Variants in FHOD3 observed in about 807,000 individuals in gnomAD.
FHOD3 encodes the protein FH1/FH2 domain-containing protein 3.
A neutral mutation model predicts 173.0 loss-of-function variants in FHOD3; 90 were observed. That is an observed-to-expected ratio of 0.52 (90% confidence interval 0.44 to 0.62). FHOD3 has a LOEUF of 0.62. FHOD3 is among the 20% of genes least tolerant of loss of function. The probability of loss-of-function intolerance (pLI) is 0.00; values close to 1 mark genes in which losing one functional copy is unlikely to be tolerated. For missense variants in FHOD3, 1,945 were observed against 2,034.7 expected (o/e 0.96, Z 0.85); for synonymous variants, 828 against 823.0 (o/e 1.01, Z -0.10).
In FHOD3 at chr18:36,490,970, A is replaced by G. The variant is rs59029993; in HGVS notation, c.338-10962A>G. Among the ~76,000 whole-genome samples, 1,094 of 152,264 alleles carry G rather than the reference A, an allele frequency of 7.2e-3. 12 individuals carry two copies. The highest frequency in any genetic ancestry group is 0.025 in the African/African-American group (1,048 of 41,552). On this transcript the variant is annotated intron_variant, in intron 3 of 28. Transcript: ENST00000590592. ...AATCCCGGGTTAACTCACGCCTTAG[A>G]ACACATACACTTGCCCATCAGCATG...
In FHOD3 at chr18:36,660,708, G is replaced by T. The variant is rs150022358; in HGVS notation, c.1835+2520G>T. Among the ~76,000 whole-genome samples the T allele has an allele frequency of 9.4e-3, 1,430 of 152,346 alleles. 9 individuals carry two copies. Among genetic ancestry groups the T allele is most frequent in the Middle Eastern group, 0.024 (7 of 294 alleles). ...GCATGGGGCATGGGTGGTCCAAGGA[G>T]CCTGTCTGACATCCAGGGAGATGTT... On this transcript the variant is annotated intron_variant, in intron 14 of 28. Coordinates refer to ENST00000590592, the MANE Select transcript of FHOD3 (RefSeq NM_001281740.3).
chr18:36,625,603 C>T lies in FHOD3; in HGVS notation c.1050C>T (p.Gly350=), dbSNP rs531088835. Residue 350 remains glycine (G), a synonymous_variant, in exon 10 of 29, where the codon GGC becomes GGT. Transcript: ENST00000590592. ...GGAGGGCCAGCGTGTGTTCCAGTGGCGGAGGCGAGCACCGGGGCCTGGACC... is the reference window on the plus strand; with the variant it reads ...GGAGGGCCAGCGTGTGTTCCAGTGGTGGAGGCGAGCACCGGGGCCTGGACC... The part of the protein sequence containing the change: ...DRRRASVCSS[G]GGEHRGLDRR... 32 of 1,581,838 alleles carry T rather than the reference C, an allele frequency of 2.0e-5. No individual in the cohort carries two copies. Among genetic ancestry groups the T allele is most frequent in the African/African-American group, 5.4e-5 (4 of 73,702 alleles).
intron 17 of FHOD3, among the ~76,000 whole-genome samples, chr18:36,695,348 A>G (rs912585827): frequency 7.4e-5 from 11 of 148,246 alleles, no homozygotes; most frequent in African/African-American, 1.1e-4. Context: ...ACACCGTCTC[A>G]AAAATAAAAA....
chr18:36,514,230 C>G (rs2055832660), intron 5 of FHOD3, among the ~76,000 whole-genome samples: 1 of 151,978 alleles, frequency 6.6e-6, no homozygotes, highest in Non-Finnish European at 1.5e-5. Context: ...AGGATGGTCT[C>G]GTTCTCCTGA....
intron 5 of FHOD3, among the ~76,000 whole-genome samples, chr18:36,566,542 G>A (rs1310032061): frequency 6.6e-6 from 1 of 152,156 alleles, no homozygotes; most frequent in Non-Finnish European, 1.5e-5. Context: ...GGGGACCCTG[G>A]GCCCTGTCCC....
At chr18:36,388,990 G>A (rs185805025) in intron 3 of FHOD3, among the ~76,000 whole-genome samples, 231 of 152,104 alleles carry the variant, frequency 1.5e-3, no homozygotes, top group African/African-American at 5.2e-3. Flanking sequence ...GGATGGGGGG[G>A]CCCTGATAGG....
At chr18:36,461,616 C>G (rs2052563780) in intron 3 of FHOD3, among the ~76,000 whole-genome samples, 1 of 152,192 alleles carries the variant, frequency 6.6e-6, no homozygotes, top group Non-Finnish European at 1.5e-5. Flanking sequence ...TTCTGCTTCT[C>G]ATAGCTTCTA....
chr18:36,727,216 C>T (rs1250797590), intron 19 of FHOD3, among the ~76,000 whole-genome samples: 1 of 152,140 alleles, frequency 6.6e-6, no homozygotes, highest in Non-Finnish European at 1.5e-5. Context: ...CTATTGCTGA[C>T]TTGAGGCTTT....
In FHOD3 at chr18:36,769,632, A is replaced by G. The variant is rs557307621; in HGVS notation, c.4786+206A>G. ...AGGGGAGCTGCAGCCACACCTGTTC[A>G]GTGTATCTGCCATTGGTGGCTAGGC... On this transcript the variant is annotated intron_variant, in intron 28 of 28. Transcript: ENST00000590592. Among the ~76,000 whole-genome samples, 47 of 152,276 alleles carry G rather than the reference A, an allele frequency of 3.1e-4. No individual in the cohort carries two copies. The East Asian group carries it at 7.2e-3, about 23-fold the overall frequency.
chr18:36,559,229 C>A (rs1041729022), intron 5 of FHOD3, among the ~76,000 whole-genome samples: 1 of 152,144 alleles, frequency 6.6e-6, no homozygotes, highest in African/African-American at 2.4e-5. Context: ...AACTGTCCAG[C>A]GTTTGATCAC....
intron 3 of FHOD3, among the ~76,000 whole-genome samples, chr18:36,415,704 A>G (rs899617922): frequency 6.6e-6 from 1 of 152,232 alleles, no homozygotes; most frequent in Non-Finnish European, 1.5e-5. Flanking sequence ...AATTATCAGC[A>G]TGTTTCTCAA....
At chr18:36,477,842 G>A (rs1433516069) in intron 3 of FHOD3, among the ~76,000 whole-genome samples, 2 of 152,160 alleles carry the variant, frequency 1.3e-5, no homozygotes, top group Non-Finnish European at 2.9e-5. Context: ...CTTGGCACAG[G>A]AAGTAAGGGA....
intron 8 of FHOD3, among the ~76,000 whole-genome samples, chr18:36,609,285 G>A (rs558456820): frequency 1.8e-3 from 276 of 152,086 alleles, no homozygotes; most frequent in African/African-American, 6.5e-3. Flanking sequence ...AGAGGCTGCA[G>A]GGTGGAACTG....
chr18:36,746,585 C>T (rs1478903259), intron 23 of FHOD3, among the ~76,000 whole-genome samples: 1 of 152,146 alleles, frequency 6.6e-6, no homozygotes, highest in African/African-American at 2.4e-5. Flanking sequence ...GAAATATTAT[C>T]GCTGAAGAAT....
intron 17 of FHOD3, among the ~76,000 whole-genome samples, chr18:36,703,589 TA>T (rs1381716357): frequency 1.3e-5 from 2 of 152,204 alleles, no homozygotes; most frequent in Admixed American, 1.3e-4. Context: ...CAATATGTAG[TA>T]AGTTTGATTT....
intron 4 of FHOD3, among the ~76,000 whole-genome samples, chr18:36,510,241 C>G (rs2055559662): frequency 6.6e-6 from 1 of 152,148 alleles, no homozygotes; most frequent in South Asian, 2.1e-4. Flanking sequence ...GCAATAAGCA[C>G]CTATCAGTGT....
chr18:36,768,092 G>T (rs1407038999), intron 27 of FHOD3, among the ~76,000 whole-genome samples: 1 of 152,196 alleles, frequency 6.6e-6, no homozygotes, highest in Non-Finnish European at 1.5e-5. Context: ...CATAGGCAAT[G>T]ATTCTGATAA....
intron 8 of FHOD3, among the ~76,000 whole-genome samples, chr18:36,603,040 A>ATTGTTCCCTGCC (rs1305463756): frequency 0.014 from 2,132 of 152,266 alleles, 50 homozygotes; most frequent in African/African-American, 0.049. Flanking sequence ...AACGCCACAG[A>ATTGTTCCCTGCC]TTGTTGGCTG....
chr18:36,513,610 G>A (rs182236044), intron 5 of FHOD3, among the ~76,000 whole-genome samples: 149 of 152,252 alleles, frequency 9.8e-4, no homozygotes, highest in African/African-American at 3.4e-3. Context: ...AGTTGAATGA[G>A]ACAAGCAAAC....
Sources: gnomAD v4.1 joint callset for allele counts (sites outside exome capture counted in the v4.1 genomes callset) on GRCh38, gnomAD v4.1.1 for gene constraint, MANE v1.5 for transcripts, NCBI Gene and HGNC (gene_info 2026-07-23, HGNC 2026-07-21) for gene names.